SOX6: variants seen among roughly 807,000 people sequenced by gnomAD.
The protein encoded by SOX6 is transcription factor SOX-6.
A neutral mutation model predicts 97.8 loss-of-function variants in SOX6; 11 were observed. That is an observed-to-expected ratio of 0.11 (90% CI 0.07 to 0.19). The LOEUF (loss-of-function observed/expected upper bound fraction) is 0.19. SOX6 is among the 10% of genes least tolerant of loss of function. SOX6 has a pLI of 1.00. For missense variants in SOX6, 810 were observed against 1,039.5 expected (o/e 0.78, Z 3.04); for synonymous variants, 360 against 371.4 (o/e 0.97, Z 0.35).
chr11:16,423,883 AG>A (rs1442466419), intron 1 of SOX6, among the ~76,000 whole-genome samples: 2 of 152,212 alleles, frequency 1.3e-5, no homozygotes, highest in African/African-American at 2.4e-5. Context: ...TTTTATAAGC[AG>A]AAAAAAGTAG....
At chr11:16,586,712 AC>A (rs1848098115) in intron 4 of SOX6, among the ~76,000 whole-genome samples, 1 of 152,038 alleles carries the variant, frequency 6.6e-6, no homozygotes, top group East Asian at 1.9e-4. Context: ...AGAGTGAGAG[AC>A]TGTCTGTAAA....
chr11:16,274,424 T>C (rs1057277551), intron 3 of SOX6, among the ~76,000 whole-genome samples: 3 of 152,154 alleles, frequency 2.0e-5, no homozygotes, highest in Non-Finnish European at 2.9e-5. Context: ...ATGATATCTA[T>C]CTAATATTAA....
intron 1 of SOX6, among the ~76,000 whole-genome samples, chr11:16,453,279 A>T (rs1859755185): frequency 6.6e-6 from 1 of 152,152 alleles, no homozygotes; most frequent in Non-Finnish European, 1.5e-5. Flanking sequence ...TAGGCTACCT[A>T]GTCCCATATA....
chr11:16,308,281 A>G (rs979919502), intron 3 of SOX6, among the ~76,000 whole-genome samples: 2 of 152,248 alleles, frequency 1.3e-5, no homozygotes, highest in African/African-American at 4.8e-5. Context: ...AAATAGTTTA[A>G]AAGAGAAAAG....
At chr11:16,237,088 T>G (rs1356414769) in intron 3 of SOX6, among the ~76,000 whole-genome samples, 1 of 151,890 alleles carries the variant, frequency 6.6e-6, no homozygotes, top group African/African-American at 2.4e-5. Context: ...ACAATGAAAG[T>G]TAGTACATAC....
intron 11 of SOX6, among the ~76,000 whole-genome samples, chr11:16,049,185 T>G (rs1425167285): frequency 1.3e-5 from 2 of 152,130 alleles, no homozygotes; most frequent in Non-Finnish European, 2.9e-5. Flanking sequence ...AACCCATGTT[T>G]TTTCCTCCAT....
intron 13 of SOX6, among the ~76,000 whole-genome samples, chr11:16,007,862 C>T (rs183078876): frequency 1.4e-4 from 22 of 152,254 alleles, no homozygotes; most frequent in Admixed American, 2.6e-4. Context: ...GCTGATTTTG[C>T]AGTCCCATCG....
intron 3 of SOX6, among the ~76,000 whole-genome samples, chr11:16,257,442 G>A (rs1853727471): frequency 6.6e-6 from 1 of 151,892 alleles, no homozygotes; most frequent in Non-Finnish European, 1.5e-5. Context: ...TAAAGCAAAG[G>A]CAATCTAAAG....
chr11:16,633,276 C>A (rs1404213766), intron 3 of SOX6, among the ~76,000 whole-genome samples: 1 of 152,186 alleles, frequency 6.6e-6, no homozygotes, highest in African/African-American at 2.4e-5. Flanking sequence ...TTTTTTACTT[C>A]CTGGAACTAA....
chr11:16,020,969 G>A (rs1181835209), intron 12 of SOX6, among the ~76,000 whole-genome samples: 1 of 151,434 alleles, frequency 6.6e-6, no homozygotes, highest in Non-Finnish European at 1.5e-5. Flanking sequence ...TATCTAAAAG[G>A]GCAATAATAA....
intron 1 of SOX6, among the ~76,000 whole-genome samples, chr11:16,373,513 A>G (rs186164710): frequency 6.6e-6 from 1 of 152,076 alleles, no homozygotes; most frequent in Non-Finnish European, 1.5e-5. Flanking sequence ...TATCATCTGT[A>G]ACATCTTCCC....
At chr11:16,093,833 C>G (rs980911665) in intron 9 of SOX6, among the ~76,000 whole-genome samples, 2 of 151,928 alleles carry the variant, frequency 1.3e-5, no homozygotes, top group East Asian at 3.9e-4. Context: ...TCCCTCTACC[C>G]TCGCTCAAGA....
At chr11:16,563,379 AT>A (rs2133193460) in intron 4 of SOX6, among the ~76,000 whole-genome samples, 1 of 152,320 alleles carries the variant, frequency 6.6e-6, no homozygotes, top group East Asian at 1.9e-4. Flanking sequence ...TGGGAGTTTT[AT>A]GCTGCAGTGT....
At position 16,318,051 on chromosome 11, in the gene SOX6, A is replaced by G. The variant is rs571225488; in HGVS notation, c.445+395T>C. 26 of 412,842 alleles carry G rather than the reference A, an allele frequency of 6.3e-5. 1 individual carries two copies. Among genetic ancestry groups the G allele is most frequent in the African/African-American group, 5.2e-4 (25 of 48,436 alleles). The allele number at this position is 412,842 out of a possible 1,614,324, so 25.6% of individuals were successfully genotyped here. A position where few individuals can be genotyped will look rare whatever the true frequency, so the allele number is the denominator to read the frequency against. On this transcript the variant is annotated intron_variant, in intron 3 of 15. Transcript: ENST00000683767. ...TATATTTATAAAAATGAAGAGAAAT[A>G]TTTTTAATTTTGCTTTTTAAACAGT...
At chr11:16,318,778 A>G (rs1343399974) in intron 2 of SOX6, 125 bp from the exon 3 acceptor site, 8 of 660,402 alleles carry the variant, frequency 1.2e-5, no homozygotes, top group African/African-American at 1.8e-5. Context: ...TATTAATTAA[A>G]ATAAAATACA....
intron 5 of SOX6, 121 bp from the exon 6 acceptor site, chr11:16,184,075 T>C (rs1851410251): frequency 3.3e-6 from 3 of 911,198 alleles, no homozygotes; most frequent in Admixed American, 2.0e-5. Context: ...AGAGTTCCTA[T>C]AAAATGAGAG....
At chr11:16,291,474 C>T (rs1854918045) in intron 3 of SOX6, among the ~76,000 whole-genome samples, 1 of 151,860 alleles carries the variant, frequency 6.6e-6, no homozygotes, top group Non-Finnish European at 1.5e-5. Flanking sequence ...TTGCAGAATA[C>T]ACCATTACGT....
intron 6 of SOX6, among the ~76,000 whole-genome samples, chr11:16,130,337 G>A (rs1413433850): frequency 6.6e-6 from 1 of 151,956 alleles, no homozygotes; most frequent in African/African-American, 2.4e-5. Flanking sequence ...AGAGTAGAGT[G>A]TAAGTGTTCT....
intron 3 of SOX6, among the ~76,000 whole-genome samples, chr11:16,305,097 T>C (rs1017389080): frequency 2.6e-5 from 4 of 152,150 alleles, no homozygotes; most frequent in African/African-American, 9.7e-5. Context: ...TAAACTTTCA[T>C]CTGTGAAAGC....
Sources: gnomAD v4.1 joint callset for allele counts (sites outside exome capture counted in the v4.1 genomes callset) on GRCh38, gnomAD v4.1.1 for gene constraint, MANE v1.5 for transcripts, NCBI Gene and HGNC (gene_info 2026-07-23, HGNC 2026-07-21) for gene names.